The following PDE1C variants were observed in gnomAD, a reference collection of about 807,000 sequenced individuals.
PDE1C encodes phosphodiesterase 1C, also known as dual specificity calcium/calmodulin-dependent 3',5'-cyclic nucleotide phosphodiesterase 1C.
Under a neutral mutation model 93.1 loss-of-function variants are expected in PDE1C, and 62 were observed. The observed-to-expected ratio is 0.67, with a 90% CI of 0.54 to 0.82. The LOEUF (loss-of-function observed/expected upper bound fraction) is 0.82. Ranked by LOEUF, PDE1C falls within the 40% of genes least tolerant of loss-of-function variation. The pLI, the probability that PDE1C is intolerant of heterozygous loss-of-function variation, is 0.00. For synonymous variants in PDE1C, 325 were observed against 310.1 expected, an observed-to-expected ratio of 1.05 and a Z score of -0.50; for missense variants, 742 against 884.6, an observed-to-expected ratio of 0.84 and a Z score of 2.04.
intron 16 of PDE1C, among the ~76,000 whole-genome samples, chr7:31,794,093 T>C (rs13244931): frequency 0.018 from 2,354 of 132,508 alleles, 38 homozygotes; most frequent in East Asian, 0.048. Flanking sequence ...GACAGACAGA[T>C]AGATAGACAG....
At chr7:31,799,302 A>G (rs1447198280) in intron 16 of PDE1C, among the ~76,000 whole-genome samples, 2 of 151,720 alleles carry the variant, frequency 1.3e-5, no homozygotes, top group African/African-American at 4.8e-5. Context: ...GGCCCCTCCT[A>G]TCTTTCACTA....
At chr7:32,199,160 G>A (rs982133920) in intron 2 of PDE1C, among the ~76,000 whole-genome samples, 3 of 151,424 alleles carry the variant, frequency 2.0e-5, no homozygotes, top group Non-Finnish European at 4.4e-5. Flanking sequence ...CACTAAACTC[G>A]TAGTCTCAGA....
At chr7:31,877,703 T>C (rs1796764031) in intron 5 of PDE1C, among the ~76,000 whole-genome samples, 1 of 149,350 alleles carries the variant, frequency 6.7e-6, no homozygotes, top group African/African-American at 2.5e-5. Flanking sequence ...ACTCTCATAA[T>C]GACAGATCAC....
At chr7:31,633,063 T>G in the PDE1C span, among the ~76,000 whole-genome samples, 2 of 151,834 alleles carry the variant, frequency 1.3e-5, no homozygotes, top group Non-Finnish European at 2.9e-5. Flanking sequence ...ATTTTTGTAT[T>G]TTTAGTAAAG....
At chr7:32,076,937 G>GA (rs775784792) in intron 3 of PDE1C, among the ~76,000 whole-genome samples, 4,048 of 129,734 alleles carry the variant, frequency 0.031, 152 homozygotes, top group African/African-American at 0.096. Context: ...GTTGTAAGGA[G>GA]AAAAAAAAAA....
chr7:32,208,448 C>G (rs1027390388), intron 2 of PDE1C, among the ~76,000 whole-genome samples: 1 of 151,520 alleles, frequency 6.6e-6, no homozygotes, highest in Non-Finnish European at 1.5e-5. Context: ...GCTACTAAGT[C>G]TTTTTGTAGT....
chr7:32,296,926 C>T (rs1212749757), intron 1 of PDE1C, among the ~76,000 whole-genome samples: 1 of 152,106 alleles, frequency 6.6e-6, no homozygotes, highest in African/African-American at 2.4e-5. Flanking sequence ...ATGAGGACTA[C>T]CAACAGGTGC....
rs1794154579 is a variant in PDE1C, at chr7:31,751,869, ACT to A, written c.*1513_*1514del. ...GAATGAGAGAAGGAGAGGACACTAA[ACT>A]CTTTACAATCAAGCCTGGAAGGTCG... On this transcript the variant is annotated 3_prime_UTR_variant, in exon 18 of 18. Transcript: ENST00000396191. 1 of 151,946 alleles carries A rather than the reference ACT, an allele frequency of 6.6e-6. No individual in the cohort carries two copies. The highest frequency in any genetic ancestry group is 2.4e-5 in the African/African-American group (1 of 41,332). The allele number at this position is 151,946 out of a possible 1,614,324, so 9.4% of individuals were successfully genotyped here.
At chr7:31,830,497 A>G (rs1790244335) in intron 11 of PDE1C, among the ~76,000 whole-genome samples, 1 of 152,190 alleles carries the variant, frequency 6.6e-6, no homozygotes, top group Admixed American at 6.5e-5. Flanking sequence ...TGGCACACAG[A>G]AGGAAGATAA....
chr7:32,377,542 C>T (rs1363430832), intron 1 of PDE1C, among the ~76,000 whole-genome samples: 1 of 152,128 alleles, frequency 6.6e-6, no homozygotes, highest in Non-Finnish European at 1.5e-5. Context: ...TTTATCCCTG[C>T]GCTTCCATCC....
At chr7:32,165,618 AACTC>A (rs1348448612) in intron 3 of PDE1C, among the ~76,000 whole-genome samples, 1 of 152,110 alleles carries the variant, frequency 6.6e-6, no homozygotes, top group Non-Finnish European at 1.5e-5. Flanking sequence ...ATCTTGTGAG[AACTC>A]ACTCACTATC....
chr7:31,912,699 T>A (rs1361683166), intron 2 of PDE1C, among the ~76,000 whole-genome samples: 1 of 151,792 alleles, frequency 6.6e-6, no homozygotes, highest in Non-Finnish European at 1.5e-5. Context: ...AAAATATATA[T>A]ATATAAAATA....
intron 3 of PDE1C, among the ~76,000 whole-genome samples, chr7:32,146,629 T>C (rs1800854289): frequency 6.6e-6 from 1 of 152,170 alleles, no homozygotes; most frequent in African/African-American, 2.4e-5. Context: ...AAGACCCTTT[T>C]TGCCATGTGA....
intron 1 of PDE1C, among the ~76,000 whole-genome samples, chr7:32,067,491 C>G (rs188298671): frequency 6.6e-6 from 1 of 152,246 alleles, no homozygotes; most frequent in Admixed American, 6.5e-5. Flanking sequence ...ATAGGGGACA[C>G]CTCCCTGCAA....
intron 5 of PDE1C, among the ~76,000 whole-genome samples, chr7:31,874,864 A>T (rs1796349257): frequency 1.3e-5 from 2 of 152,236 alleles, no homozygotes; most frequent in African/African-American, 4.8e-5. Flanking sequence ...GATAGGTGTT[A>T]CTTTCTCCAG....
chr7:31,653,157 T>C, the PDE1C span: 1 of 291,526 alleles, frequency 3.4e-6, no homozygotes, highest in Non-Finnish European at 6.0e-6. Context: ...TCAGTCAATA[T>C]AGAAGTTTAT....
the PDE1C span, among the ~76,000 whole-genome samples, chr7:31,638,846 A>AG: frequency 6.6e-6 from 1 of 152,006 alleles, no homozygotes; most frequent in Non-Finnish European, 1.5e-5. Context: ...ACCCAATCTC[A>AG]GCTTACTACA....
intron 3 of PDE1C, among the ~76,000 whole-genome samples, chr7:32,118,779 T>C (rs576959210): frequency 6.6e-6 from 1 of 152,258 alleles, no homozygotes; most frequent in African/African-American, 2.4e-5. Flanking sequence ...CTCTCAAAGG[T>C]CCTACTTCTT....
At chr7:31,622,981 C>T in the PDE1C span, among the ~76,000 whole-genome samples, 16 of 152,042 alleles carry the variant, frequency 1.1e-4, no homozygotes, top group South Asian at 1.0e-3. Flanking sequence ...CAAACATCTA[C>T]GCCAATAAAC....
Sources: allele counts gnomAD v4.1 joint callset (sites outside exome capture counted in the v4.1 genomes callset), GRCh38; gene constraint gnomAD v4.1.1; transcripts MANE v1.5; gene names NCBI Gene and HGNC (gene_info 2026-07-23, HGNC 2026-07-21).